The following GRIK2 variants were observed in gnomAD, a reference collection of about 807,000 sequenced individuals.
GRIK2 encodes glutamate receptor ionotropic, kainate 2.
In GRIK2, 32 loss-of-function variants were observed where a neutral mutation model predicts 100.3. The observed-to-expected ratio is 0.32, with a 90% CI of 0.24 to 0.43. GRIK2 has a LOEUF of 0.43. Ranked by LOEUF, GRIK2 falls within the 20% of genes least tolerant of loss-of-function variation. GRIK2 has a pLI of 1.00. For missense variants in GRIK2, 843 were observed against 1,114.9 expected (o/e 0.76, Z 3.47); for synonymous variants, 417 against 389.4 (o/e 1.07, Z -0.83).
intron 7 of GRIK2, among the ~76,000 whole-genome samples, chr6:101,750,720 A>G (rs542702323): frequency 1.3e-5 from 2 of 152,154 alleles, no homozygotes; most frequent in East Asian, 3.9e-4. Flanking sequence ...GAATGCTCAG[A>G]GAGAGAGAGA....
At chr6:101,891,621 C>T (rs1336510718) in intron 12 of GRIK2, 1 of 392,972 alleles carries the variant, frequency 2.5e-6, no homozygotes, top group Non-Finnish European at 4.9e-6. Context: ...ATTATTTTTA[C>T]CTAATTAGTT....
chr6:101,588,497 T>C (rs1021750455), intron 2 of GRIK2, among the ~76,000 whole-genome samples: 9 of 151,582 alleles, frequency 5.9e-5, no homozygotes, highest in African/African-American at 2.2e-4. Context: ...AAGGTTGGAG[T>C]AGCAAGGCCT....
At chr6:101,674,352 A>C (rs1344213375) in intron 4 of GRIK2, among the ~76,000 whole-genome samples, 3 of 152,202 alleles carry the variant, frequency 2.0e-5, no homozygotes, top group African/African-American at 7.2e-5. Flanking sequence ...CACACCTTTC[A>C]AAGTGTAGGA....
intron 2 of GRIK2, among the ~76,000 whole-genome samples, chr6:101,613,582 A>G (rs187375779): frequency 2.0e-3 from 298 of 151,894 alleles, no homozygotes; most frequent in Middle Eastern, 3.4e-3. Flanking sequence ...CATCACAAAC[A>G]TAAACTTTTT....
intron 14 of GRIK2, among the ~76,000 whole-genome samples, chr6:101,955,319 C>T (rs566432870): frequency 3.3e-5 from 5 of 152,088 alleles, no homozygotes; most frequent in South Asian, 2.1e-4. Flanking sequence ...CCAGTAAAGC[C>T]GTTTGGTCCT....
At chr6:101,836,355 A>G (rs1783091406) in intron 10 of GRIK2, among the ~76,000 whole-genome samples, 1 of 152,068 alleles carries the variant, frequency 6.6e-6, no homozygotes, top group Admixed American at 6.5e-5. Flanking sequence ...ACTATTAAAC[A>G]CTTGACACCT....
intron 6 of GRIK2, 58 bp downstream of exon 6, chr6:101,682,664 GA>G: frequency 1.3e-6 from 1 of 767,324 alleles, no homozygotes; most frequent in Non-Finnish European, 2.2e-6. Context: ...TTTTTCAGAT[GA>G]AAAATAGGTT....
chr6:101,417,483 G>T (rs1045450545), intron 2 of GRIK2, among the ~76,000 whole-genome samples: 2 of 152,114 alleles, frequency 1.3e-5, no homozygotes, highest in Admixed American at 1.3e-4. Context: ...GCTGCTCTGT[G>T]CCCTCCTAAA....
chr6:101,704,907 A>G (rs1773149084), intron 7 of GRIK2, among the ~76,000 whole-genome samples: 1 of 149,302 alleles, frequency 6.7e-6, no homozygotes, highest in Admixed American at 6.7e-5. Context: ...GATAATAATT[A>G]TAAATTGGCC....
chr6:101,559,449 T>G (rs1307378461), intron 2 of GRIK2, among the ~76,000 whole-genome samples: 1 of 152,092 alleles, frequency 6.6e-6, no homozygotes, highest in African/African-American at 2.4e-5. Context: ...AATGATTAAT[T>G]GCAACCTCTC....
At chr6:101,986,468 G>A (rs1477290474) in intron 14 of GRIK2, among the ~76,000 whole-genome samples, 2 of 151,844 alleles carry the variant, frequency 1.3e-5, no homozygotes, top group African/African-American at 2.4e-5. Context: ...CTTCTGCATA[G>A]TTTGAACGTG....
rs1776445767 is a variant in GRIK2 at position 101,422,243 on chromosome 6, A to G, written c.115+22851A>G. 1.3e-5 allele frequency among the ~76,000 whole-genome samples: 2 copies of G among 152,166 alleles called. 1 individual carries two copies. Among genetic ancestry groups the G allele is most frequent in the South Asian group, 4.1e-4 (2 of 4,832 alleles). Reference sequence around the variant, plus strand: ...GATTAAATTACATTCCTCTGCTTTAACTGAGGGGGAGTAATTCTAAAGGTT... The same window carrying G: ...GATTAAATTACATTCCTCTGCTTTAGCTGAGGGGGAGTAATTCTAAAGGTT... On this transcript the variant is annotated intron_variant, in intron 2 of 16. Coordinates refer to ENST00000369134, the MANE Select transcript of GRIK2 (RefSeq NM_021956.5).
At position 101,464,521 on chromosome 6, in the gene GRIK2, T is replaced by C. The variant is rs1184873207; in HGVS notation, c.115+65129T>C. On this transcript the variant is annotated intron_variant, in intron 2 of 16. Coordinates refer to ENST00000369134, the MANE Select transcript of GRIK2 (RefSeq NM_021956.5). ...TCTTTTTTTTTTTTTTTTTTTTTTTTTTTTTTTTTTTTTTGAGACAGAGTC... is the reference window on the plus strand; with the variant it reads ...TCTTTTTTTTTTTTTTTTTTTTTTTCTTTTTTTTTTTTTTGAGACAGAGTC... Among the ~76,000 whole-genome samples the C allele has an allele frequency of 1.4e-3, 132 of 95,284 alleles. 2 individuals carry two copies. The highest frequency in any genetic ancestry group is 5.4e-3 in the African/African-American group (124 of 22,856). 62.5% of individuals were successfully genotyped at this position (95,284 alleles called of 152,430 possible).
intron 4 of GRIK2, among the ~76,000 whole-genome samples, chr6:101,663,403 C>A (rs374854426): frequency 1.3e-5 from 2 of 152,188 alleles, no homozygotes; most frequent in East Asian, 3.9e-4. Context: ...TGTCAGGAGA[C>A]AAAAGTGCCT....
chr6:101,420,057 A>G (rs1439051388), intron 2 of GRIK2, among the ~76,000 whole-genome samples: 1 of 152,178 alleles, frequency 6.6e-6, no homozygotes, highest in Non-Finnish European at 1.5e-5. Flanking sequence ...AATAATGATG[A>G]TGGTTACTCT....
intron 7 of GRIK2, among the ~76,000 whole-genome samples, chr6:101,785,149 T>C (rs1779343218): frequency 6.8e-6 from 1 of 147,300 alleles, no homozygotes; most frequent in South Asian, 2.4e-4. Context: ...TGGGATTTTT[T>C]ATTTATTTAT....
chr6:101,492,019 G>C (rs571590171), intron 2 of GRIK2, among the ~76,000 whole-genome samples: 1 of 151,800 alleles, frequency 6.6e-6, no homozygotes, highest in Non-Finnish European at 1.5e-5. Context: ...GGTACAAGAA[G>C]TTAGGATGTA....
intron 16 of GRIK2, among the ~76,000 whole-genome samples, chr6:102,057,499 A>G (rs998547683): frequency 3.3e-5 from 5 of 152,032 alleles, no homozygotes; most frequent in Non-Finnish European, 7.4e-5. Context: ...CTATGGATCT[A>G]TATGATCCTC....
chr6:101,677,423 C>A lies in GRIK2; in HGVS notation c.723+619C>A, dbSNP rs186024288. Among the ~76,000 whole-genome samples, 276 of 152,146 alleles carry A rather than the reference C, an allele frequency of 1.8e-3. 2 individuals carry two copies. Among genetic ancestry groups the A allele is most frequent in the African/African-American group, 5.9e-3 (244 of 41,550 alleles). On this transcript the variant is annotated intron_variant, in intron 5 of 16. Transcript: ENST00000369134. ...TGCCTGACAAAAACCAACCAACCAA[C>A]CAAACAAACAAACAAAACCTTCTAA...
Sources: gnomAD v4.1 joint callset for allele counts (sites outside exome capture counted in the v4.1 genomes callset) on GRCh38, gnomAD v4.1.1 for gene constraint, MANE v1.5 for transcripts, NCBI Gene and HGNC (gene_info 2026-07-23, HGNC 2026-07-21) for gene names.